Variants in PCDHGA4 observed in about 807,000 individuals in gnomAD.
PCDHGA4 encodes protocadherin gamma subfamily A, 4, also known as protocadherin gamma-A4.
A neutral mutation model predicts 54.6 loss-of-function variants in PCDHGA4; 38 were observed. That is an observed-to-expected ratio of 0.70 (90% confidence interval 0.54 to 0.91). The LOEUF is 0.91. PCDHGA4 is among the 40% of genes least tolerant of loss of function. The pLI, the probability that PCDHGA4 is intolerant of heterozygous loss-of-function variation, is 0.00. For missense variants in PCDHGA4, 1,298 were observed against 1,220.9 expected (o/e 1.06, Z -0.94); for synonymous variants, 511 against 512.9 (o/e 1.00, Z 0.05).
chr5:141,436,878 G>T (rs914354261), intron 1 of PCDHGA4, among the ~76,000 whole-genome samples: 1 of 152,216 alleles, frequency 6.6e-6, no homozygotes, highest in African/African-American at 2.4e-5. Context: ...GGCCATAAAA[G>T]ATGGGGGAAA....
chr5:141,464,048 T>C (rs377735829), intron 1 of PCDHGA4, among the ~76,000 whole-genome samples: 1 of 152,260 alleles, frequency 6.6e-6, no homozygotes, highest in South Asian at 2.1e-4. Context: ...GTGGATCACC[T>C]GAGGTCAGGA....
chr5:141,361,937 A>C (rs1168023930), intron 1 of PCDHGA4: 1 of 1,605,822 alleles, frequency 6.2e-7, no homozygotes, highest in Admixed American at 1.7e-5. Flanking sequence ...TCAGGACACA[A>C]CGCTTGGCTG....
At chr5:141,411,783 G>C (rs1191623081) in intron 1 of PCDHGA4, 1 of 152,338 alleles carries the variant, frequency 6.6e-6, no homozygotes, top group Non-Finnish European at 1.5e-5. Context: ...TCTGGTGGCT[G>C]TGGTGGGAGA....
intron 1 of PCDHGA4, chr5:141,400,116 C>G (rs2093964416): frequency 6.2e-7 from 1 of 1,614,086 alleles, no homozygotes; most frequent in African/African-American, 1.3e-5. Context: ...TTGCTGACAG[C>G]TTGCAGGAGG....
intron 1 of PCDHGA4, chr5:141,362,068 G>A (rs62621761): frequency 1.2e-6 from 2 of 1,612,460 alleles, no homozygotes; most frequent in South Asian, 1.1e-5. Flanking sequence ...CCTGCTGGTC[G>A]CTGTGCGTGA....
intron 2 of PCDHGA4, among the ~76,000 whole-genome samples, chr5:141,503,091 G>A (rs2099818095): frequency 6.6e-6 from 1 of 151,808 alleles, no homozygotes; most frequent in African/African-American, 2.4e-5. Flanking sequence ...CTGACCTCGT[G>A]GTCTGCCCGC....
Position 141,357,493 on chromosome 5 carries a change from A to G in PCDHGA4, c.2386A>G (p.Lys796Glu). The change falls in exon 1 of 4, where the codon AAG becomes GAG. Residue 796 changes from lysine (K) to glutamate (E), a missense_variant. Physicochemically the swap from Lys to Glu is moderately conservative, Grantham distance 56. Coordinates refer to ENST00000571252, the MANE Select transcript of PCDHGA4 (RefSeq NM_018917.4). ...HEVSLTADSR[K>E]SHLIFSQPSY... Reference sequence around the variant, plus strand: ...GGTCTCCCTCACCGCGGACTCGCGGAAGAGTCACCTGATCTTCTCCCAACC... The same window carrying G: ...GGTCTCCCTCACCGCGGACTCGCGGGAGAGTCACCTGATCTTCTCCCAACC... The G allele has an allele frequency of 6.2e-7, 1 of 1,614,200 alleles. No homozygotes were observed. Among genetic ancestry groups the G allele is most frequent in the Non-Finnish European group, 8.5e-7 (1 of 1,180,036 alleles).
At chr5:141,403,281 T>A in intron 1 of PCDHGA4, 1 of 1,613,908 alleles carries the variant, frequency 6.2e-7, no homozygotes, top group Non-Finnish European at 8.5e-7. Context: ...AAAGTCCTGG[T>A]TGAAGACAGA....
intron 1 of PCDHGA4, chr5:141,413,935 A>T: frequency 6.2e-7 from 1 of 1,613,372 alleles, no homozygotes; most frequent in Non-Finnish European, 8.5e-7. Flanking sequence ...ATACCGAGTG[A>T]GTGTTCCTGA....
chr5:141,511,276 T>C lies in PCDHGA4; in HGVS notation c.*103T>C. On this transcript the variant is annotated 3_prime_UTR_variant, in exon 4 of 4. Coordinates refer to ENST00000571252, the MANE Select transcript of PCDHGA4 (RefSeq NM_018917.4). ...AGAGTTTCAGGGCTAACCCCCAGAA[T>C]ACTGGTAGGGGCCAAGGCCATGCTC... 6.5e-7 allele frequency: 1 copy of C among 1,538,084 alleles called. No homozygotes were observed. Among genetic ancestry groups the C allele is most frequent in the Non-Finnish European group, 8.8e-7 (1 of 1,140,720 alleles).
chr5:141,393,155 A>G (rs1158641344), intron 1 of PCDHGA4: 1 of 1,613,328 alleles, frequency 6.2e-7, no homozygotes, highest in Non-Finnish European at 8.5e-7. Flanking sequence ...AGGATAAAGG[A>G]AAACTCTTTG....
Position 141,356,338 on chromosome 5 carries a change from G to T in PCDHGA4, c.1231G>T (p.Gly411Cys). 2 of 1,554,674 alleles carry T rather than the reference G, an allele frequency of 1.3e-6. No individual in the cohort carries two copies. The highest frequency in any genetic ancestry group is 1.7e-6 in the Non-Finnish European group (2 of 1,148,524). Residue 411 changes from glycine (G) to cysteine (C), a missense_variant, in exon 1 of 4, where the codon GGC becomes TGC. Coordinates refer to ENST00000571252, the MANE Select transcript of PCDHGA4 (RefSeq NM_018917.4). ...NVHDSDSGGN[G>C]LVTCSIPDNL... ...GCATGACAGTGACTCAGGAGGAAAT[G>T]GCCTAGTCACATGTTCTATTCCAGA... is the stretch of plus-strand genomic sequence containing the variant.
At chr5:141,374,350 G>C (rs2150038987) in intron 1 of PCDHGA4, 1 of 1,614,038 alleles carries the variant, frequency 6.2e-7, no homozygotes, top group Non-Finnish European at 8.5e-7. Context: ...CCGCGGGTAG[G>C]ATAGACCGCG....
chr5:141,399,055 G>C, intron 1 of PCDHGA4: 1 of 1,613,844 alleles, frequency 6.2e-7, no homozygotes, highest in Non-Finnish European at 8.5e-7. Context: ...AGAGACCAAG[G>C]AATATTCAAT....
At chr5:141,434,462 C>T (rs2097695951) in intron 1 of PCDHGA4, among the ~76,000 whole-genome samples, 1 of 152,156 alleles carries the variant, frequency 6.6e-6, no homozygotes, top group Non-Finnish European at 1.5e-5. Flanking sequence ...GTGGGTTTAC[C>T]GGAATGAGGG....
At chr5:141,494,644 G>A in intron 1 of PCDHGA4, 163 bp from the exon 2 acceptor site, 1 of 933,684 alleles carries the variant, frequency 1.1e-6, no homozygotes. Flanking sequence ...TGAGACCTGA[G>A]GTGTATTTTG....
rs1230185523 is a variant in PCDHGA4, at chr5:141,413,155, G to C, written c.2514+55534G>C. 10 of 1,576,552 alleles carry C rather than the reference G, an allele frequency of 6.3e-6. No individual in the cohort carries two copies. The South Asian group carries it at 1.2e-4, about 18-fold the overall frequency. ...CAACGTGTCCAGTGAGGACTTTGCA[G>C]AATTCTGTAACCAGACTACAATGGC... On this transcript the variant is annotated intron_variant, in intron 1 of 3. Coordinates refer to ENST00000571252, the MANE Select transcript of PCDHGA4 (RefSeq NM_018917.4).
chr5:141,395,273 A>G, intron 1 of PCDHGA4: 1 of 1,543,700 alleles, frequency 6.5e-7, no homozygotes, highest in Non-Finnish European at 8.7e-7. Context: ...TAATTTCCAG[A>G]TGAATTTTAT....
chr5:141,383,903 TC>T lies in PCDHGA4; in HGVS notation c.2514+26283del, dbSNP rs769022323. On this transcript the variant is annotated intron_variant, in intron 1 of 3. Transcript: ENST00000571252. ...AGTCTGACAAAGGCAAAAGTACTGA[TC>T]ACAGTTTTAGATGTAAATGATAATG... The T allele has an allele frequency of 8.9e-5, 144 of 1,613,802 alleles. 1 individual carries two copies. The highest frequency in any genetic ancestry group is 1.1e-4 in the Non-Finnish European group (134 of 1,179,876).
Sources: allele counts gnomAD v4.1 joint callset (sites outside exome capture counted in the v4.1 genomes callset), GRCh38; gene constraint gnomAD v4.1.1; transcripts MANE v1.5; gene names NCBI Gene and HGNC (gene_info 2026-07-23, HGNC 2026-07-21).